The following NTNG1 variants were observed in gnomAD, a reference collection of about 807,000 sequenced individuals.
NTNG1 encodes the protein netrin G1.
A neutral mutation model predicts 54.0 loss-of-function variants in NTNG1; 16 were observed. The ratio of observed to expected loss-of-function variants is 0.30; its 90% CI spans 0.20 to 0.45. The LOEUF (loss-of-function observed/expected upper bound fraction) is 0.45, where lower values mean the gene tolerates loss of function less well. Ranked by LOEUF, NTNG1 falls within the 20% of genes least tolerant of loss-of-function variation. The probability of loss-of-function intolerance (pLI) is 1.00; values close to 1 mark genes in which losing one functional copy is unlikely to be tolerated. For missense variants in NTNG1, 530 were observed against 678.7 expected (o/e 0.78, Z 2.43); for synonymous variants, 255 against 263.1 (o/e 0.97, Z 0.30).
intron 3 of NTNG1, among the ~76,000 whole-genome samples, chr1:107,394,789 GTC>G (rs1350814311): frequency 1.3e-5 from 2 of 152,168 alleles, no homozygotes; most frequent in Non-Finnish European, 2.9e-5. Flanking sequence ...AGATGAAATT[GTC>G]ATAGATCTGT....
chr1:107,380,524 G>T (rs952006974), intron 3 of NTNG1, among the ~76,000 whole-genome samples: 1 of 152,280 alleles, frequency 6.6e-6, no homozygotes, highest in Middle Eastern at 3.4e-3. Flanking sequence ...TATAAATGAA[G>T]TAAAACACCA....
At chr1:107,203,543 ATTC>A (rs1658924957) in intron 2 of NTNG1, among the ~76,000 whole-genome samples, 1 of 148,364 alleles carries the variant, frequency 6.7e-6, no homozygotes, top group African/African-American at 2.5e-5. Flanking sequence ...ATGTATAGTT[ATTC>A]TTATAGAGTT....
chr1:107,197,578 C>G (rs1333497437), intron 2 of NTNG1, among the ~76,000 whole-genome samples: 2 of 151,994 alleles, frequency 1.3e-5, no homozygotes, highest in African/African-American at 4.8e-5. Context: ...TAAGGCGACA[C>G]TCAGAGAGTT....
At chr1:107,275,379 A>AT (rs1664399772) in intron 2 of NTNG1, among the ~76,000 whole-genome samples, 1 of 152,124 alleles carries the variant, frequency 6.6e-6, no homozygotes, top group African/African-American at 2.4e-5. Flanking sequence ...CGTCTCAAAA[A>AT]AAATAAATAA....
chr1:107,144,130 G>A (rs1408231799), intron 1 of NTNG1, among the ~76,000 whole-genome samples: 1 of 152,034 alleles, frequency 6.6e-6, no homozygotes, highest in Non-Finnish European at 1.5e-5. Flanking sequence ...AGAACAAATA[G>A]CTGCAAAGAG....
At chr1:107,416,666 CA>C (rs1674225043) in intron 5 of NTNG1, among the ~76,000 whole-genome samples, 1 of 151,970 alleles carries the variant, frequency 6.6e-6, no homozygotes, top group Non-Finnish European at 1.5e-5. Context: ...GGTTATTTTT[CA>C]GAACTCATTT....
At chr1:107,460,920 T>C (rs1373066842) in intron 7 of NTNG1, among the ~76,000 whole-genome samples, 1 of 152,088 alleles carries the variant, frequency 6.6e-6, no homozygotes, top group Non-Finnish European at 1.5e-5. Context: ...GCCCAGAAGG[T>C]CAGAAGAATT....
chr1:107,327,230 C>T (rs1668011542), intron 3 of NTNG1, among the ~76,000 whole-genome samples: 2 of 152,262 alleles, frequency 1.3e-5, no homozygotes, highest in South Asian at 2.1e-4. Context: ...GCATGTACTG[C>T]ACTAGGCACC....
At chr1:107,460,446 T>A (rs779163961) in intron 7 of NTNG1, 1 of 518,182 alleles carries the variant, frequency 1.9e-6, no homozygotes, top group Non-Finnish European at 3.9e-6. Context: ...GGCAATTAAA[T>A]CTCACAAAGA....
chr1:107,252,765 T>A (rs1020941203), intron 2 of NTNG1, among the ~76,000 whole-genome samples: 12 of 152,342 alleles, frequency 7.9e-5, no homozygotes, highest in African/African-American at 2.4e-4. Context: ...AGGTGGAATA[T>A]GGTTTGGTTC....
In NTNG1 at chr1:107,249,343, G is replaced by A. The variant is rs1021799306; in HGVS notation, c.247-74939G>A. Among the ~76,000 whole-genome samples the A allele has an allele frequency of 2.0e-5, 3 of 151,602 alleles. No homozygotes were observed. The South Asian group carries it at 6.3e-4, about 32-fold the overall frequency. ...ACTAAAAATGCAAAATTAGCTGGGC[G>A]TAGTGGCGCATGCCTGTAATCCCAG... On this transcript the variant is annotated intron_variant, in intron 2 of 7. Coordinates refer to ENST00000370068, the MANE Select transcript of NTNG1 (RefSeq NM_001113226.3).
chr1:107,324,614 G>A lies in NTNG1; in HGVS notation c.579G>A (p.Val193=). ...LDAFHMDPKS[V]KDLSQHTVLE... is the part of the protein sequence containing the mutation. ...CTTTTCACATGGATCCTAAATCCGT[G>A]AAGGATTTATCACAGCATACGGTCT... The change falls in exon 3 of 8, where the codon GTG becomes GTA. Residue 193 remains valine, a synonymous_variant. Coordinates refer to ENST00000370068, the MANE Select transcript of NTNG1 (RefSeq NM_001113226.3). The A allele has an allele frequency of 6.2e-7, 1 of 1,613,402 alleles. No individual in the cohort carries two copies. The highest frequency in any genetic ancestry group is 8.5e-7 in the Non-Finnish European group (1 of 1,179,564).
At chr1:107,281,767 G>C (rs1664874639) in intron 2 of NTNG1, among the ~76,000 whole-genome samples, 1 of 152,012 alleles carries the variant, frequency 6.6e-6, no homozygotes, top group South Asian at 2.1e-4. Context: ...AACTGTCCAT[G>C]ACAATATAAA....
intron 2 of NTNG1, among the ~76,000 whole-genome samples, chr1:107,267,653 C>G (rs1377737357): frequency 1.3e-5 from 2 of 152,182 alleles, no homozygotes; most frequent in African/African-American, 2.4e-5. Flanking sequence ...CCCAGGGTGT[C>G]CACCATACTC....
chr1:107,312,835 T>C (rs1380058450), intron 2 of NTNG1, among the ~76,000 whole-genome samples: 1 of 152,206 alleles, frequency 6.6e-6, no homozygotes, highest in Non-Finnish European at 1.5e-5. Flanking sequence ...TGAAAATCTT[T>C]AGCATTTTTT....
chr1:107,365,320 A>C (rs1670528313), intron 3 of NTNG1, among the ~76,000 whole-genome samples: 1 of 152,170 alleles, frequency 6.6e-6, no homozygotes, highest in Non-Finnish European at 1.5e-5. Context: ...CTGTCCAAAA[A>C]AGTATTGATG....
intron 2 of NTNG1, among the ~76,000 whole-genome samples, chr1:107,204,171 A>G (rs1257891622): frequency 6.6e-6 from 1 of 151,848 alleles, no homozygotes; most frequent in Non-Finnish European, 1.5e-5. Context: ...TTTATTTCCC[A>G]CTTGTTGATT....
intron 2 of NTNG1, among the ~76,000 whole-genome samples, chr1:107,265,542 C>A (rs935015447): frequency 6.6e-6 from 1 of 152,122 alleles, no homozygotes. Flanking sequence ...AGCCTAGTGA[C>A]ATAAATGTCA....
intron 2 of NTNG1, among the ~76,000 whole-genome samples, chr1:107,291,483 G>A (rs555558356): frequency 1.3e-5 from 2 of 152,238 alleles, no homozygotes; most frequent in Admixed American, 1.3e-4. Context: ...ATGTACATAT[G>A]TATATGTAAA....
Sources: allele counts gnomAD v4.1 joint callset (sites outside exome capture counted in the v4.1 genomes callset), GRCh38; gene constraint gnomAD v4.1.1; transcripts MANE v1.5; gene names NCBI Gene and HGNC (gene_info 2026-07-23, HGNC 2026-07-21).